Variants in PLEKHA7 observed in about 807,000 individuals in gnomAD.
The protein encoded by PLEKHA7 is pleckstrin homology domain-containing family A member 7.
A neutral mutation model predicts 170.0 loss-of-function variants in PLEKHA7; 104 were observed. The ratio of observed to expected loss-of-function variants is 0.61; its 90% CI spans 0.52 to 0.72. The LOEUF is 0.72. Ranked by LOEUF, PLEKHA7 falls within the 30% of genes least tolerant of loss-of-function variation. The probability of loss-of-function intolerance (pLI) is 0.00; values close to 1 mark genes in which losing one functional copy is unlikely to be tolerated. For synonymous variants in PLEKHA7, 648 were observed against 660.8 expected, an observed-to-expected ratio of 0.98 and a Z score of 0.30; for missense variants, 1,615 against 1,671.7, an observed-to-expected ratio of 0.97 and a Z score of 0.59.
chr11:16,874,280 G>A (rs1050263363), intron 3 of PLEKHA7, among the ~76,000 whole-genome samples: 4 of 152,158 alleles, frequency 2.6e-5, no homozygotes, highest in Non-Finnish European at 4.4e-5. Flanking sequence ...GCTGGGGCGG[G>A]TGAATCACTT....
chr11:16,855,826 G>A lies in PLEKHA7; in HGVS notation c.394C>T (p.Leu132=), dbSNP rs750425253. 3 of 1,613,264 alleles carry A rather than the reference G, an allele frequency of 1.9e-6. No individual in the cohort carries two copies. The highest frequency in any genetic ancestry group is 2.5e-6 in the Non-Finnish European group (3 of 1,179,206). The change falls in exon 5 of 27, where the codon CTG becomes TTG. Residue 132 remains leucine (L), a synonymous_variant. Coordinates refer to ENST00000531066, the MANE Select transcript of PLEKHA7 (RefSeq NM_001329630.2). ...ACCTTGGGTCCAGGCTTGGCCTCCA[G>A]GGTGGAGGCGGTCCCAGCCGTGGAT... ...ETSTAGTAST[L]EAKPGPKIIK...
At chr11:16,937,283 G>A (rs188875685) in intron 3 of PLEKHA7, among the ~76,000 whole-genome samples, 289 of 152,242 alleles carry the variant, frequency 1.9e-3, no homozygotes, top group Admixed American at 4.1e-3. Flanking sequence ...TTTATTGAGG[G>A]TATACCATGT....
At chr11:16,829,728 T>C (rs141437850) in intron 9 of PLEKHA7, among the ~76,000 whole-genome samples, 3,060 of 152,224 alleles carry the variant, frequency 0.02, 50 homozygotes, top group Non-Finnish European at 0.034. Context: ...GTAGCTGAGA[T>C]TGCACCACTG....
intron 3 of PLEKHA7, among the ~76,000 whole-genome samples, chr11:16,904,072 T>A (rs1176846503): frequency 6.6e-6 from 1 of 152,230 alleles, no homozygotes; most frequent in Non-Finnish European, 1.5e-5. Context: ...ACCTTCAAGC[T>A]ATCAGAGTAT....
chr11:16,892,246 G>T (rs925895614), intron 3 of PLEKHA7, among the ~76,000 whole-genome samples: 25 of 152,194 alleles, frequency 1.6e-4, no homozygotes, highest in African/African-American at 6.0e-4. Context: ...TCTGAAACAT[G>T]TGGGTAGGAT....
chr11:17,010,862 G>A (rs1054349348), intron 3 of PLEKHA7, among the ~76,000 whole-genome samples: 1 of 152,134 alleles, frequency 6.6e-6, no homozygotes, highest in African/African-American at 2.4e-5. Context: ...TTTTTCATGT[G>A]GGGGGCGGGG....
intron 3 of PLEKHA7, among the ~76,000 whole-genome samples, chr11:16,991,630 C>A (rs1396554102): frequency 6.6e-6 from 1 of 152,100 alleles, no homozygotes; most frequent in East Asian, 1.9e-4. Context: ...AAAACAGCAG[C>A]AGGGATGGGA....
intron 3 of PLEKHA7, among the ~76,000 whole-genome samples, chr11:16,949,175 G>A (rs7925386): frequency 0.48 from 72,850 of 151,440 alleles, 18,331 homozygotes; most frequent in East Asian, 0.74. Flanking sequence ...ATCTGTTTCA[G>A]TGTAACCCCC....
Position 16,789,148 on chromosome 11 carries a change from C to T in PLEKHA7, c.3305G>A (p.Gly1102Asp), listed in dbSNP as rs750655441. The change falls in exon 23 of 27, where the codon GGC (glycine) becomes GAC (aspartate). Residue 1102 changes from glycine to aspartate, a missense_variant. Transcript: ENST00000531066. This position sits in a 1 kb window ranked among gnomAD's most constrained non-coding sequence, Gnocchi z 4.6. ...GCTGAGGTAGCGAGATGAGGGCAGGCCCGTCCTCTCCCCTTGGCCCAGTGT... is the reference window on the plus strand; with the variant it reads ...GCTGAGGTAGCGAGATGAGGGCAGGTCCGTCCTCTCCCCTTGGCCCAGTGT... ...KRTLGQGERT[G>D]LPSSRYLSRP... is the part of the protein sequence containing the mutation. 6.2e-6 allele frequency: 10 copies of T among 1,610,426 alleles called. No homozygotes were observed. The highest frequency in any genetic ancestry group is 1.7e-5 in the Admixed American group (1 of 60,008).
chr11:16,961,951 C>T (rs992395534), intron 3 of PLEKHA7, among the ~76,000 whole-genome samples: 1 of 152,116 alleles, frequency 6.6e-6, no homozygotes, highest in Non-Finnish European at 1.5e-5. Flanking sequence ...AAGTGCATGA[C>T]GAATATGTCC....
At position 16,783,799 on chromosome 11, in the gene PLEKHA7, C is replaced by T. The variant is rs1352576966; in HGVS notation, c.3551G>A (p.Arg1184His). ...SKPEKVSIPERYVELDPEEPP... is the reference protein window; with the variant it reads ...SKPEKVSIPEHYVELDPEEPP... The stretch of plus-strand genomic sequence containing the variant: ...CTCTTCGGGATCTAGCTCCACGTAG[C>T]GCTCAGGGATTGACACCTTCTCTGG... The change falls in exon 25 of 27, where the codon CGC (arginine) becomes CAC (histidine). Residue 1184 changes from arginine (R) to histidine (H), a missense_variant. Transcript: ENST00000531066. 13 of 1,510,324 alleles carry T rather than the reference C, an allele frequency of 8.6e-6. No individual in the cohort carries two copies. The highest frequency in any genetic ancestry group is 3.7e-5 in the South Asian group (3 of 80,290). 93.6% of individuals were successfully genotyped at this position (1,510,324 alleles called of 1,614,324 possible). A position where few individuals can be genotyped will look rare whatever the true frequency, so the allele number is the denominator to read the frequency against.
At chr11:16,780,629 C>T (rs1243609398) in intron 26 of PLEKHA7, among the ~76,000 whole-genome samples, 1 of 152,234 alleles carries the variant, frequency 6.6e-6, no homozygotes, top group Non-Finnish European at 1.5e-5. Flanking sequence ...TGCACTGGTT[C>T]TCGGGCATCA....
At chr11:16,882,199 G>C (rs1474982753) in intron 3 of PLEKHA7, among the ~76,000 whole-genome samples, 1 of 152,148 alleles carries the variant, frequency 6.6e-6, no homozygotes, top group Non-Finnish European at 1.5e-5. Flanking sequence ...GTTTTGTCCT[G>C]AGTCCACTTA....
chr11:16,805,789 C>CA lies in PLEKHA7; in HGVS notation c.2008-2495dup, dbSNP rs11339921. 8.9e-3 allele frequency among the ~76,000 whole-genome samples: 988 copies of CA among 111,078 alleles called. 11 individuals carry two copies. The highest frequency in any genetic ancestry group is 0.032 in the African/African-American group (886 of 27,608). The allele number at this position is 111,078 out of a possible 152,430, so 72.9% of individuals were successfully genotyped here. ...TGGGTGACAGAGCGAGACTCCATGTCAAAAAAAAAAAAAAAAAACAAAAAC... is the reference window on the plus strand; with the variant it reads ...TGGGTGACAGAGCGAGACTCCATGTCAAAAAAAAAAAAAAAAAAACAAAAAC... On this transcript the variant is annotated intron_variant, in intron 13 of 26. Transcript: ENST00000531066.
intron 3 of PLEKHA7, among the ~76,000 whole-genome samples, chr11:16,873,434 C>T (rs1011161784): frequency 6.6e-6 from 1 of 152,082 alleles, no homozygotes; most frequent in Non-Finnish European, 1.5e-5. Flanking sequence ...ACCACCTCAC[C>T]ATACTGTCAC....
chr11:16,890,148 AG>A (rs1212411499), intron 3 of PLEKHA7, among the ~76,000 whole-genome samples: 1 of 152,174 alleles, frequency 6.6e-6, no homozygotes, highest in Non-Finnish European at 1.5e-5. Context: ...AAATGCTCAA[AG>A]GAATTCTAAA....
At chr11:16,926,768 C>T (rs1187800975) in intron 3 of PLEKHA7, among the ~76,000 whole-genome samples, 2 of 152,214 alleles carry the variant, frequency 1.3e-5, no homozygotes. Flanking sequence ...CTAGGCACAT[C>T]TGGGCTTTTA....
chr11:16,940,292 T>TG (rs1860598904), intron 3 of PLEKHA7, among the ~76,000 whole-genome samples: 1 of 147,766 alleles, frequency 6.8e-6, no homozygotes, highest in Non-Finnish European at 1.5e-5. Context: ...TTTTTTTTTT[T>TG]TTTTTTTTTT....
chr11:16,840,317 T>C (rs1037905539), intron 9 of PLEKHA7, among the ~76,000 whole-genome samples: 2 of 152,096 alleles, frequency 1.3e-5, no homozygotes, highest in Non-Finnish European at 2.9e-5. Context: ...TCCCGGCACT[T>C]TGGGAGACCA....
Sources: allele counts gnomAD v4.1 joint callset (sites outside exome capture counted in the v4.1 genomes callset), GRCh38; gene constraint gnomAD v4.1.1; non-coding constraint Gnocchi (gnomAD v3.1); transcripts MANE v1.5; gene names NCBI Gene and HGNC (gene_info 2026-07-23, HGNC 2026-07-21).